Variants in PTPRN2 observed in about 807,000 individuals in gnomAD.
PTPRN2 encodes receptor-type tyrosine-protein phosphatase N2.
PTPRN2 carries 74 observed loss-of-function variants against 118.8 expected under a neutral mutation model. The observed-to-expected ratio is 0.62, with a 90% confidence interval of 0.52 to 0.76. The LOEUF is 0.76. PTPRN2 is among the 30% of genes least tolerant of loss of function. The pLI is 0.00. For synonymous variants in PTPRN2, 641 were observed against 608.0 expected (o/e 1.05, Z -0.80); for missense variants, 1,481 against 1,394.4 (o/e 1.06, Z -0.99).
chr7:157,840,973 C>T (rs1255898310), intron 12 of PTPRN2, among the ~76,000 whole-genome samples: 1 of 152,254 alleles, frequency 6.6e-6, no homozygotes, highest in African/African-American at 2.4e-5. Context: ...CCTCCTCTCT[C>T]AACGTCCAGT....
chr7:157,964,665 T>C lies in PTPRN2; in HGVS notation c.1724-65928A>G, dbSNP rs1242129379. Among the ~76,000 whole-genome samples the C allele has an allele frequency of 2.0e-5, 3 of 152,228 alleles. No homozygotes were observed. Among genetic ancestry groups the C allele is most frequent in the Non-Finnish European group, 2.9e-5 (2 of 68,036 alleles). ...TGGCCTTACTTGGCGTGTGGAGCTG[T>C]GACCACCAGGGCCAACCTGAGGCAG... On this transcript the variant is annotated intron_variant, in intron 11 of 22. Transcript: ENST00000389418. The surrounding 1 kb of genome is among the most constrained non-coding windows in gnomAD (Gnocchi z 9.0).
intron 11 of PTPRN2, among the ~76,000 whole-genome samples, chr7:158,069,779 G>A (rs1296895969): frequency 2.0e-5 from 3 of 152,238 alleles, no homozygotes; most frequent in African/African-American, 7.2e-5. Context: ...AGGCACGCAA[G>A]GCCAATGGAC....
chr7:158,367,533 C>T (rs1809633861), intron 2 of PTPRN2, among the ~76,000 whole-genome samples: 1 of 152,174 alleles, frequency 6.6e-6, no homozygotes, highest in African/African-American at 2.4e-5. Flanking sequence ...TGGAGTCAGG[C>T]TGGCTCCTGG....
chr7:157,941,267 CCCA>C (rs1800091578), intron 11 of PTPRN2, among the ~76,000 whole-genome samples: 1 of 92,234 alleles, frequency 1.1e-5, no homozygotes, highest in Non-Finnish European at 1.9e-5. Flanking sequence ...TAACACCCTC[CCCA>C]CCACGACACT....
chr7:157,888,049 C>T (rs569024829), intron 12 of PTPRN2, among the ~76,000 whole-genome samples: 12 of 111,610 alleles, frequency 1.1e-4, no homozygotes, highest in East Asian at 4.7e-4. Context: ...CTGAAACGCA[C>T]GCTGTCTTGG....
chr7:158,335,464 C>T (rs867604941), intron 2 of PTPRN2, among the ~76,000 whole-genome samples: 2,418 of 49,852 alleles, frequency 0.049, 1 homozygote, highest in African/African-American at 0.18. Flanking sequence ...CTCACACCCA[C>T]GCTGTCACCA....
At position 158,428,460 on chromosome 7, in the gene PTPRN2, C is replaced by T. The variant is rs1317435051; in HGVS notation, c.163+61275G>A. 2.6e-5 allele frequency among the ~76,000 whole-genome samples: 4 copies of T among 152,134 alleles called. No homozygotes were observed. In the East Asian group the frequency reaches 5.8e-4, roughly 22 times the overall value. The stretch of plus-strand genomic sequence containing the variant: ...AAAACTAAAATTATTTGTAACCCAC[C>T]GATCTGAGGAAACGGCTGCTGGCAT... On this transcript the variant is annotated intron_variant, in intron 2 of 22. Transcript: ENST00000389418.
intron 2 of PTPRN2, among the ~76,000 whole-genome samples, chr7:158,416,400 A>C (rs1341272106): frequency 6.6e-6 from 1 of 152,240 alleles, no homozygotes; most frequent in Non-Finnish European, 1.5e-5. Context: ...GAGTAACTAC[A>C]TAAAGTACAA....
intron 11 of PTPRN2, among the ~76,000 whole-genome samples, chr7:158,070,868 G>C (rs1237186820): frequency 7.6e-6 from 1 of 131,830 alleles, no homozygotes; most frequent in Non-Finnish European, 1.6e-5. Flanking sequence ...CCGTGGTGGT[G>C]GTGGTGCCCA....
At chr7:158,050,992 T>C (rs752459245) in intron 11 of PTPRN2, among the ~76,000 whole-genome samples, 5 of 152,198 alleles carry the variant, frequency 3.3e-5, no homozygotes, top group Non-Finnish European at 5.9e-5. Context: ...GGGCACGCCA[T>C]GGCGGTGGAG....
At chr7:158,442,170 C>T (rs1419524589) in intron 2 of PTPRN2, among the ~76,000 whole-genome samples, 4 of 149,182 alleles carry the variant, frequency 2.7e-5, no homozygotes, top group African/African-American at 1.0e-4. Context: ...GCAATGGTGG[C>T]AGTGGTGGTG....
intron 12 of PTPRN2, among the ~76,000 whole-genome samples, chr7:157,747,308 G>A (rs1652912321): frequency 7.3e-6 from 1 of 136,438 alleles, no homozygotes; most frequent in Admixed American, 7.5e-5. Context: ...GCTGTGGGGT[G>A]TCCGGGTGAT....
intron 12 of PTPRN2, among the ~76,000 whole-genome samples, chr7:157,766,257 T>C (rs999519864): frequency 2.7e-5 from 4 of 148,042 alleles, no homozygotes; most frequent in African/African-American, 1.0e-4. Flanking sequence ...CCTTCCTCCA[T>C]CCATCCATCC....
chr7:158,120,550 CCT>C, intron 9 of PTPRN2, among the ~76,000 whole-genome samples: 1 of 152,300 alleles, frequency 6.6e-6, no homozygotes, highest in East Asian at 1.9e-4. Context: ...CTTTCTGCTC[CCT>C]GTCTCCAAGG....
Position 158,022,952 on chromosome 7 carries a change from C to T in PTPRN2, c.1723+58346G>A, listed in dbSNP as rs1258614479. Among the ~76,000 whole-genome samples the T allele has an allele frequency of 6.6e-6, 1 of 152,186 alleles. No individual in the cohort carries two copies. The highest frequency in any genetic ancestry group is 1.5e-5 in the Non-Finnish European group (1 of 68,040). ...CAGGGGATGGCAAGAGCAGGGTCGCCCTGGTGAGTCTGAACTCTGTGCACT... is the reference window on the plus strand; with the variant it reads ...CAGGGGATGGCAAGAGCAGGGTCGCTCTGGTGAGTCTGAACTCTGTGCACT... On this transcript the variant is annotated intron_variant, in intron 11 of 22. Coordinates refer to ENST00000389418, the MANE Select transcript of PTPRN2 (RefSeq NM_002847.5). This position sits in a 1 kb window ranked among gnomAD's most constrained non-coding sequence, Gnocchi z 4.6.
intron 11 of PTPRN2, among the ~76,000 whole-genome samples, chr7:158,040,141 C>CAT (rs1404113797): frequency 6.6e-6 from 1 of 151,742 alleles, no homozygotes; most frequent in East Asian, 1.9e-4. Context: ...AAAGGTATAA[C>CAT]ATATGCATAA....
At chr7:158,111,379 C>CAGGGCAG (rs1816259281) in intron 9 of PTPRN2, among the ~76,000 whole-genome samples, 1 of 152,132 alleles carries the variant, frequency 6.6e-6, no homozygotes. Flanking sequence ...GGCAGCAACT[C>CAGGGCAG]AGGGCAGGGG....
At position 157,617,310 on chromosome 7, in the gene PTPRN2, G is replaced by A. The variant is rs1490169892; in HGVS notation, c.2344+4052C>T. On this transcript the variant is annotated intron_variant, in intron 15 of 22. Transcript: ENST00000389418. This position sits in a 1 kb window ranked among gnomAD's most constrained non-coding sequence, Gnocchi z 7.5. ...TTCACGCAGCTGCAGCGCAGAGCAC[G>A]GGGGACGCTGGCTCACGATGCCCCA... 1.3e-5 allele frequency: 2 copies of A among 150,352 alleles called. No homozygotes were observed. The highest frequency in any genetic ancestry group is 2.0e-4 in the East Asian group (1 of 5,092). 9.3% of individuals were successfully genotyped at this position (150,352 alleles called of 1,614,324 possible).
chr7:158,319,529 A>ACACACACACGGTCTCCCT (rs1432368619), intron 2 of PTPRN2, among the ~76,000 whole-genome samples: 1 of 116,980 alleles, frequency 8.5e-6, no homozygotes, highest in Admixed American at 9.1e-5. Context: ...AGCCTCCCTC[A>ACACACACACGGTCTCCCT]CACACACAGC....
Sources: gnomAD v4.1 joint callset for allele counts (sites outside exome capture counted in the v4.1 genomes callset) on GRCh38, gnomAD v4.1.1 for gene constraint, Gnocchi (gnomAD v3.1) non-coding constraint, MANE v1.5 for transcripts, NCBI Gene and HGNC (gene_info 2026-07-23, HGNC 2026-07-21) for gene names.